The following CCDC7 variants were observed in gnomAD, a reference collection of about 807,000 sequenced individuals.
CCDC7 encodes coiled-coil domain containing 7, also known as coiled-coil domain-containing protein 7.
In CCDC7, 183 loss-of-function variants were observed where a neutral mutation model predicts 196.9. The observed-to-expected ratio is 0.93, with a 90% confidence interval of 0.82 to 1.05. CCDC7 has a LOEUF of 1.05. CCDC7 is among the 50% of genes least tolerant of loss of function. CCDC7 has a pLI of 0.00. For missense variants in CCDC7, 1,540 were observed against 1,482.2 expected (o/e 1.04, Z -0.64); for synonymous variants, 525 against 484.6 (o/e 1.08, Z -1.10).
intron 20 of CCDC7, among the ~76,000 whole-genome samples, chr10:32,643,063 T>C (rs1228850973): frequency 1.3e-5 from 2 of 152,256 alleles, no homozygotes; most frequent in South Asian, 2.1e-4. Flanking sequence ...ATTTATTTTT[T>C]GATTTCCTTT....
At chr10:32,676,051 A>G (rs1361001096) in intron 21 of CCDC7, among the ~76,000 whole-genome samples, 4 of 151,748 alleles carry the variant, frequency 2.6e-5, no homozygotes. Context: ...AGATCAATGG[A>G]ACAGAACAGA....
At chr10:32,633,534 C>T (rs2065166508) in intron 18 of CCDC7, among the ~76,000 whole-genome samples, 1 of 152,086 alleles carries the variant, frequency 6.6e-6, no homozygotes, top group African/African-American at 2.4e-5. Flanking sequence ...ACTTTATTTG[C>T]ACCCCACTCT....
Position 32,462,842 on chromosome 10 carries a change from C to T in CCDC7, c.477+139C>T, listed in dbSNP as rs1170376589. 2.4e-6 allele frequency: 3 copies of T among 1,269,670 alleles called. No individual in the cohort carries two copies. In the African/African-American group the frequency reaches 4.6e-5, roughly 19 times the overall value. 78.7% of individuals were successfully genotyped at this position (1,269,670 alleles called of 1,614,324 possible). A position where few individuals can be genotyped will look rare whatever the true frequency, so the allele number is the denominator to read the frequency against. On this transcript the variant is annotated intron_variant, in intron 4 of 41. Transcript: ENST00000639629. ...TCTATATATTTAAGAATTTTATGTTCATTTGTATAGTGCATTAGCCCCATT... is the reference window on the plus strand; with the variant it reads ...TCTATATATTTAAGAATTTTATGTTTATTTGTATAGTGCATTAGCCCCATT...
At chr10:32,733,208 A>G (rs953879694) in intron 28 of CCDC7, among the ~76,000 whole-genome samples, 1 of 152,174 alleles carries the variant, frequency 6.6e-6, no homozygotes, top group Admixed American at 6.5e-5. Flanking sequence ...AAGTTCTCCT[A>G]TATTTTTACA....
At chr10:32,456,749 C>A (rs897092265) in intron 3 of CCDC7, among the ~76,000 whole-genome samples, 8 of 152,054 alleles carry the variant, frequency 5.3e-5, no homozygotes, top group African/African-American at 1.9e-4. Context: ...TGGTTTAGTA[C>A]CATAAGCCTT....
chr10:32,684,624 T>C (rs552010786), intron 21 of CCDC7, among the ~76,000 whole-genome samples: 2 of 152,362 alleles, frequency 1.3e-5, no homozygotes, highest in Admixed American at 6.5e-5. Flanking sequence ...TTGCCACTTA[T>C]AAATTTGTAA....
At chr10:32,843,319 C>T (rs1414340463) in intron 33 of CCDC7, among the ~76,000 whole-genome samples, 1 of 151,684 alleles carries the variant, frequency 6.6e-6, no homozygotes, top group Non-Finnish European at 1.5e-5. Context: ...TAGTAATACA[C>T]ATAATAGTAG....
At chr10:32,479,074 AT>A (rs2039512556) in intron 8 of CCDC7, among the ~76,000 whole-genome samples, 1 of 152,128 alleles carries the variant, frequency 6.6e-6, no homozygotes, top group Non-Finnish European at 1.5e-5. Flanking sequence ...AAATTATCAA[AT>A]TTGTTAGCAT....
At chr10:32,719,939 A>T (rs2082155495) in intron 25 of CCDC7, among the ~76,000 whole-genome samples, 1 of 152,236 alleles carries the variant, frequency 6.6e-6, no homozygotes, top group Non-Finnish European at 1.5e-5. Flanking sequence ...AATTAGTTCA[A>T]CCATTGTGGA....
chr10:32,866,633 A>G (rs2094207089), intron 41 of CCDC7, among the ~76,000 whole-genome samples: 1 of 151,638 alleles, frequency 6.6e-6, no homozygotes, highest in South Asian at 2.1e-4. Context: ...GGTGGTGGTG[A>G]GGAAAGGAGA....
At chr10:32,620,807 A>G (rs1258740212) in intron 18 of CCDC7, among the ~76,000 whole-genome samples, 1 of 152,166 alleles carries the variant, frequency 6.6e-6, no homozygotes, top group Non-Finnish European at 1.5e-5. Flanking sequence ...ATAGCTGGAG[A>G]GGTCTACAGT....
chr10:32,731,568 T>C (rs948844408), intron 28 of CCDC7, among the ~76,000 whole-genome samples: 11 of 152,234 alleles, frequency 7.2e-5, no homozygotes, highest in Non-Finnish European at 1.3e-4. Flanking sequence ...AAAATGTGAA[T>C]ACACTTAGTA....
intron 28 of CCDC7, among the ~76,000 whole-genome samples, chr10:32,762,287 G>C (rs913292718): frequency 1.2e-4 from 18 of 151,858 alleles, no homozygotes; most frequent in Non-Finnish European, 2.5e-4. Flanking sequence ...TTTTGAATGA[G>C]TGTGCGAGCA....
chr10:32,798,170 A>G (rs1186766070), intron 29 of CCDC7, among the ~76,000 whole-genome samples: 2 of 152,104 alleles, frequency 1.3e-5, no homozygotes, highest in Non-Finnish European at 2.9e-5. Context: ...GTGAGGACAA[A>G]CCTCTGCCCT....
intron 41 of CCDC7, 96 bp downstream of exon 42, chr10:32,854,585 C>A: frequency 1.3e-6 from 1 of 747,148 alleles, no homozygotes; most frequent in Non-Finnish European, 2.2e-6. Context: ...GGGCTTCCTT[C>A]TTCAAACAAC....
At chr10:32,816,735 T>C (rs949458531) in intron 31 of CCDC7, among the ~76,000 whole-genome samples, 3 of 151,992 alleles carry the variant, frequency 2.0e-5, no homozygotes, top group Non-Finnish European at 2.9e-5. Context: ...GGGTCTGGAG[T>C]AGACCTCCAG....
At chr10:32,517,910 A>G (rs1244441027) in intron 9 of CCDC7, 35 bp from the exon 11 acceptor site, 12 of 1,573,232 alleles carry the variant, frequency 7.6e-6, no homozygotes, top group Non-Finnish European at 1.0e-5. Context: ...ATAAATGTAC[A>G]ATTATAAACA....
intron 24 of CCDC7, among the ~76,000 whole-genome samples, chr10:32,696,905 T>A (rs1409282363): frequency 2.0e-5 from 3 of 152,152 alleles, no homozygotes; most frequent in Non-Finnish European, 1.5e-5. Flanking sequence ...AAAATTATGA[T>A]CTAGATCAGT....
At chr10:32,626,288 G>T (rs2064032741) in intron 18 of CCDC7, among the ~76,000 whole-genome samples, 1 of 151,924 alleles carries the variant, frequency 6.6e-6, no homozygotes, top group African/African-American at 2.4e-5. Context: ...TATCATTGTG[G>T]TTTTAATTTT....
Sources: gnomAD v4.1 joint callset for allele counts (sites outside exome capture counted in the v4.1 genomes callset) on GRCh38, gnomAD v4.1.1 for gene constraint, MANE v1.5 for transcripts, NCBI Gene and HGNC (gene_info 2026-07-23, HGNC 2026-07-21) for gene names.